Variants in DMXL1 observed in about 807,000 individuals in gnomAD.
The protein encoded by DMXL1 is Dmx like 1.
A neutral mutation model predicts 319.2 loss-of-function variants in DMXL1; 99 were observed. That is an observed-to-expected ratio of 0.31 (90% CI 0.26 to 0.37). The LOEUF is 0.37. DMXL1 is among the 10% of genes least tolerant of loss of function. DMXL1 has a pLI of 1.00. For missense variants in DMXL1, 3,745 were observed against 3,595.6 expected, an observed-to-expected ratio of 1.04 and a Z score of -1.06; for synonymous variants, 1,385 against 1,235.2, an observed-to-expected ratio of 1.12 and a Z score of -2.54.
rs1279477534 is a variant in DMXL1 at position 119,220,981 on chromosome 5, C to T, written c.8177C>T (p.Thr2726Ile). ...GTTATACATGCTCGTGATGATTTAA[C>T]AGCTGTTCAAGGTACAACTCCATAT... The part of the protein sequence containing the change: ...FLVIHARDDL[T>I]AVQGTTPYTH... The change falls in exon 37 of 44, where the codon ACA becomes ATA. Residue 2726 changes from threonine to isoleucine, a missense_variant. Transcript: ENST00000539542. 1.2e-6 allele frequency: 2 copies of T among 1,613,662 alleles called. No individual in the cohort carries two copies. Among genetic ancestry groups the T allele is most frequent in the East Asian group, 2.2e-5 (1 of 44,840 alleles).
chr5:119,098,224 C>T (rs948724019), intron 2 of DMXL1, 120 bp downstream of exon 2: 3 of 1,212,664 alleles, frequency 2.5e-6, no homozygotes, highest in Middle Eastern at 2.8e-4. Context: ...GATAGTGTAG[C>T]TAGAAGAATT....
At chr5:119,081,676 A>C in intron 1 of DMXL1, 2 of 985,354 alleles carry the variant, frequency 2.0e-6, no homozygotes, top group Non-Finnish European at 2.4e-6. Context: ...ACCAACTTAG[A>C]CTTTACCAAT....
intron 2 of DMXL1, 49 bp from the exon 3 acceptor site, chr5:119,101,886 A>C (rs1217698161): frequency 1.6e-6 from 2 of 1,263,768 alleles, no homozygotes; most frequent in Non-Finnish European, 1.1e-6. Flanking sequence ...TTTTTGATTC[A>C]TAAGTAAGTT....
rs899615155 is a variant in DMXL1, at chr5:119,168,793, G to GTCC, written c.5398+933_5398+935dup. Among the ~76,000 whole-genome samples, 119 of 151,768 alleles carry GTCC rather than the reference G, an allele frequency of 7.8e-4. 1 individual carries two copies. Among genetic ancestry groups the GTCC allele is most frequent in the African/African-American group, 2.7e-3 (112 of 41,370 alleles). On this transcript the variant is annotated intron_variant, in intron 23 of 43. Coordinates refer to ENST00000539542, the MANE Select transcript of DMXL1 (RefSeq NM_001290321.3). ...CATCTCAAACACCTGGCATCTAGCT[G>GTCC]TCCTCCCACCTCAGCCTCCCAAAGT...
At chr5:119,160,277 G>A (rs747825119) in intron 19 of DMXL1, among the ~76,000 whole-genome samples, 46 of 151,818 alleles carry the variant, frequency 3.0e-4, no homozygotes, top group Middle Eastern at 3.2e-3. Flanking sequence ...TTCTCTTTTG[G>A]TTTCTTCTTT....
intron 28 of DMXL1, among the ~76,000 whole-genome samples, chr5:119,185,540 T>TC (rs1756209977): frequency 6.6e-6 from 1 of 152,184 alleles, no homozygotes; most frequent in Non-Finnish European, 1.5e-5. Context: ...TCTCACTTTG[T>TC]CACCCAGGCT....
rs200442761 is a variant in DMXL1 at position 119,116,301 on chromosome 5, A to G, written c.708A>G (p.Gly236=). Reference sequence around the variant, plus strand: ...TGGCCCATCCTCGAGCAGTAAATGGATTTTCCTGGCGTAAAACAAGCAAAT... The same window carrying G: ...TGGCCCATCCTCGAGCAGTAAATGGGTTTTCCTGGCGTAAAACAAGCAAAT... ...VYLAHPRAVN[G]FSWRKTSKYM... The change falls in exon 7 of 44, where the codon GGA becomes GGG. Residue 236 remains glycine, a synonymous_variant. Coordinates refer to ENST00000539542, the MANE Select transcript of DMXL1 (RefSeq NM_001290321.3). 28 of 1,613,984 alleles carry G rather than the reference A, an allele frequency of 1.7e-5. No homozygotes were observed. In the Admixed American group the frequency reaches 2.2e-4, roughly 12 times the overall value.
At chr5:119,198,042 G>T (rs1389328556) in intron 32 of DMXL1, 86 bp downstream of exon 32, 2 of 1,300,604 alleles carry the variant, frequency 1.5e-6, no homozygotes, top group African/African-American at 1.5e-5. Flanking sequence ...GGGCTGGAGT[G>T]CAGTGGCACA....
intron 19 of DMXL1, among the ~76,000 whole-genome samples, chr5:119,160,489 CA>C (rs1049712446): frequency 1.3e-5 from 2 of 152,110 alleles, no homozygotes; most frequent in African/African-American, 4.8e-5. Context: ...TTTGTGTGCA[CA>C]AAAAAGAATG....
chr5:119,235,632 G>A (rs1581479556), intron 39 of DMXL1, among the ~76,000 whole-genome samples: 2 of 152,132 alleles, frequency 1.3e-5, no homozygotes, highest in Non-Finnish European at 1.5e-5. Flanking sequence ...GAAGCAACAC[G>A]TACCTGCACA....
intron 34 of DMXL1, among the ~76,000 whole-genome samples, chr5:119,210,404 C>T (rs1450581770): frequency 2.0e-5 from 3 of 152,166 alleles, no homozygotes; most frequent in Non-Finnish European, 4.4e-5. Context: ...TTTTGAGTTT[C>T]AGTATTACAT....
intron 19 of DMXL1, among the ~76,000 whole-genome samples, chr5:119,156,155 C>T (rs933874686): frequency 2.0e-5 from 3 of 152,174 alleles, no homozygotes; most frequent in African/African-American, 7.2e-5. Flanking sequence ...ATAGCCATCC[C>T]AGCCTTCAGT....
At chr5:119,229,069 C>T (rs1378529771) in intron 38 of DMXL1, among the ~76,000 whole-genome samples, 2 of 146,558 alleles carry the variant, frequency 1.4e-5, no homozygotes, top group East Asian at 4.1e-4. Flanking sequence ...AATCCCACCT[C>T]TTAGGGAGGC....
intron 13 of DMXL1, among the ~76,000 whole-genome samples, chr5:119,140,953 A>T (rs1388762400): frequency 1.3e-5 from 2 of 152,178 alleles, no homozygotes; most frequent in African/African-American, 4.8e-5. Context: ...TTTGTTCAAC[A>T]TATGAAAATT....
In DMXL1 at chr5:119,134,428, T is replaced by C. The variant is rs757903603; in HGVS notation, c.2376+39T>C. On this transcript the variant is annotated intron_variant, in intron 13 of 43. Coordinates refer to ENST00000539542, the MANE Select transcript of DMXL1 (RefSeq NM_001290321.3). ...TTTAAAACAGCTTAAGTATATAATATTATGTTTTCAGATAGTTTATATTTA... is the reference window on the plus strand; with the variant it reads ...TTTAAAACAGCTTAAGTATATAATACTATGTTTTCAGATAGTTTATATTTA... The C allele has an allele frequency of 4.0e-6, 6 of 1,511,340 alleles. No homozygotes were observed. In the African/African-American group the frequency reaches 7.0e-5, roughly 18 times the overall value. 93.6% of individuals were successfully genotyped at this position (1,511,340 alleles called of 1,614,324 possible).
At chr5:119,138,421 A>G (rs1355077083) in intron 13 of DMXL1, among the ~76,000 whole-genome samples, 2 of 152,226 alleles carry the variant, frequency 1.3e-5, no homozygotes, top group Admixed American at 6.5e-5. Context: ...TCCAAAAGAC[A>G]TAGTAGGTTA....
At position 119,150,243 on chromosome 5, in the gene DMXL1, C is replaced by G. The variant is rs1298725801; in HGVS notation, c.4416C>G (p.Asp1472Glu). The G allele has an allele frequency of 3.1e-6, 5 of 1,613,754 alleles. 1 individual carries two copies. The South Asian group carries it at 5.5e-5, about 18-fold the overall frequency. The change falls in exon 18 of 44, where the codon GAC becomes GAG. Residue 1472 changes from aspartate (D) to glutamate (E), a missense_variant. Physicochemically the swap from Asp to Glu is conservative, Grantham distance 45. Around this residue, in one of 4 missense-constraint regions of DMXL1, gnomAD observed 2,096 missense variants for 1,985.4 expected, o/e 1.06. Coordinates refer to ENST00000539542, the MANE Select transcript of DMXL1 (RefSeq NM_001290321.3). ...DEENTKPRVIDLSQYSPTYFG... is the reference protein window; with the variant it reads ...DEENTKPRVIELSQYSPTYFG... The stretch of plus-strand genomic sequence containing the variant: ...AAAATACAAAGCCTAGAGTTATTGA[C>G]CTTTCACAGTACAGTCCGACTTACT...
chr5:119,091,983 A>G (rs1192107026), intron 1 of DMXL1, among the ~76,000 whole-genome samples: 1 of 152,124 alleles, frequency 6.6e-6, no homozygotes, highest in African/African-American at 2.4e-5. Flanking sequence ...GCTGGGACAG[A>G]TATTCTGCTA....
chr5:119,225,633 C>T lies in DMXL1; in HGVS notation c.8338+864C>T, dbSNP rs1785404824. 2.0e-5 allele frequency among the ~76,000 whole-genome samples: 3 copies of T among 152,142 alleles called. 1 individual carries two copies. In the South Asian group the frequency reaches 6.2e-4, roughly 31 times the overall value. The stretch of plus-strand genomic sequence containing the variant: ...CAGTTAACAAAATCAGTATTCTTTT[C>T]TGCTTCATTTATGATAAATGCTCAA... On this transcript the variant is annotated intron_variant, in intron 38 of 43. Coordinates refer to ENST00000539542, the MANE Select transcript of DMXL1 (RefSeq NM_001290321.3).
Sources: allele counts gnomAD v4.1 joint callset (sites outside exome capture counted in the v4.1 genomes callset), GRCh38; gene constraint gnomAD v4.1.1; regional missense constraint gnomAD v4.1.1; transcripts MANE v1.5; gene names NCBI Gene and HGNC (gene_info 2026-07-23, HGNC 2026-07-21).